ACOX1: variants seen among roughly 807,000 people sequenced by gnomAD.
The protein encoded by ACOX1 is peroxisomal acyl-coenzyme A oxidase 1.
A neutral mutation model predicts 75.5 loss-of-function variants in ACOX1; 41 were observed. The ratio of observed to expected loss-of-function variants is 0.54; its 90% confidence interval spans 0.42 to 0.70. The LOEUF is 0.70. Ranked by LOEUF, ACOX1 falls within the 30% of genes least tolerant of loss-of-function variation. ACOX1 has a pLI of 0.00. For missense variants in ACOX1, 630 were observed against 837.5 expected, an observed-to-expected ratio of 0.75 and a Z score of 3.06; for synonymous variants, 303 against 298.8, an observed-to-expected ratio of 1.01 and a Z score of -0.15.
intron 4 of ACOX1, 144 bp downstream of exon 4, chr17:75,957,315 A>C (rs1723379999): frequency 4.0e-6 from 3 of 747,622 alleles, no homozygotes; most frequent in Non-Finnish European, 7.1e-6. Flanking sequence ...TCCTGACCTC[A>C]AGTGATCTGC....
chr17:75,955,014 C>T (rs1029238784), intron 6 of ACOX1, among the ~76,000 whole-genome samples: 14 of 151,986 alleles, frequency 9.2e-5, no homozygotes, highest in Non-Finnish European at 5.9e-5. Context: ...ACTACAGGTG[C>T]GCACCACCAC....
rs1438931318 is a variant in ACOX1, at chr17:75,960,888, A to G, written c.270-513T>C. On this transcript the variant is annotated intron_variant, in intron 2 of 13. Transcript: ENST00000293217. The surrounding 1 kb of genome is among the most constrained non-coding windows in gnomAD (Gnocchi z 4.4). ...AGCTATTTGGGAGCCTGAGGCAGGA[A>G]AATCGCTTGAACCTAGGAGGCGGAG... Among the ~76,000 whole-genome samples the G allele has an allele frequency of 6.6e-6, 1 of 151,876 alleles. No homozygotes were observed. The highest frequency in any genetic ancestry group is 1.5e-5 in the Non-Finnish European group (1 of 67,960).
chr17:75,943,642 C>A lies in ACOX1; in HGVS notation c.*3106G>T, dbSNP rs1051762833. 1 of 152,180 alleles carries A rather than the reference C, an allele frequency of 6.6e-6. No homozygotes were observed. Among genetic ancestry groups the A allele is most frequent in the Non-Finnish European group, 1.5e-5 (1 of 68,036 alleles). The allele number at this position is 152,180 out of a possible 1,614,324, so 9.4% of individuals were successfully genotyped here. On this transcript the variant is annotated 3_prime_UTR_variant, in exon 14 of 14. Coordinates refer to ENST00000293217, the MANE Select transcript of ACOX1 (RefSeq NM_004035.7). The stretch of plus-strand genomic sequence containing the variant: ...TGACTTCTCAGAAAGCATATGAACA[C>A]GGTGAATGTTGTAATGTTCTGAAGA...
At position 75,946,575 on chromosome 17, in the gene ACOX1, C is replaced by A; in HGVS notation, c.*173G>T. The A allele has an allele frequency of 1.5e-6, 1 of 649,916 alleles. No homozygotes were observed. The highest frequency in any genetic ancestry group is 1.7e-5 in the South Asian group (1 of 59,458). The allele number at this position is 649,916 out of a possible 1,614,324, so 40.3% of individuals were successfully genotyped here. On this transcript the variant is annotated 3_prime_UTR_variant, in exon 14 of 14. Coordinates refer to ENST00000293217, the MANE Select transcript of ACOX1 (RefSeq NM_004035.7). Reference sequence around the variant, plus strand: ...CTTTCAGTGTTAATTGCACTTAAAACATCTGCTTTTTTTCATTTAATCTCT... The same window carrying A: ...CTTTCAGTGTTAATTGCACTTAAAAAATCTGCTTTTTTTCATTTAATCTCT...
At chr17:75,955,261 C>A (rs2065813411) in intron 6 of ACOX1, among the ~76,000 whole-genome samples, 1 of 152,050 alleles carries the variant, frequency 6.6e-6, no homozygotes, top group Non-Finnish European at 1.5e-5. Context: ...CTCCCAGGCT[C>A]AAGTGATCCT....
chr17:75,958,635 C>A (rs556585004), intron 3 of ACOX1, among the ~76,000 whole-genome samples: 1 of 151,788 alleles, frequency 6.6e-6, no homozygotes, highest in Non-Finnish European at 1.5e-5. Context: ...GGCGAAACCC[C>A]GTCTCTACTA....
rs61694946 is a variant in ACOX1, at chr17:75,978,731, C to T, written c.110-38G>A. On this transcript the variant is annotated intron_variant, in intron 1 of 13. Transcript: ENST00000293217. The surrounding 1 kb of genome is among the most constrained non-coding windows in gnomAD (Gnocchi z 4.2). ...TAAAGGGCATTAAAAGGCAGACAGA[C>T]ACTCGGGCCTCCGTTCCACCCTCCC... 6.2e-7 allele frequency: 1 copy of T among 1,612,692 alleles called. No homozygotes were observed. The highest frequency in any genetic ancestry group is 2.2e-5 in the East Asian group (1 of 44,876).
chr17:75,958,895 A>G (rs984137861), intron 3 of ACOX1, among the ~76,000 whole-genome samples: 2 of 152,118 alleles, frequency 1.3e-5, no homozygotes, highest in Non-Finnish European at 2.9e-5. Flanking sequence ...TAAAGGTCCA[A>G]TAATAAGGTC....
At chr17:75,957,688 A>C in intron 3 of ACOX1, 122 bp from the exon 4 acceptor site, 5 of 706,012 alleles carry the variant, frequency 7.1e-6, no homozygotes, top group Non-Finnish European at 1.3e-5. Context: ...TCTAACAAAA[A>C]ACACCTGTAG....
intron 2 of ACOX1, among the ~76,000 whole-genome samples, chr17:75,967,664 A>G (rs2065947371): frequency 2.0e-5 from 2 of 101,434 alleles, no homozygotes; most frequent in African/African-American, 1.3e-4. Context: ...ATACATACAT[A>G]TATATACATA....
chr17:75,966,371 C>T (rs1024551360), intron 2 of ACOX1, among the ~76,000 whole-genome samples: 4 of 149,740 alleles, frequency 2.7e-5, no homozygotes, highest in African/African-American at 7.4e-5. Context: ...GCAGGAGAAT[C>T]GCTTGAACCC....
chr17:75,960,266 C>G lies in ACOX1; in HGVS notation c.379G>C (p.Ala127Pro). ...GTGCCAATGATCTCCAAGTTCCAGGCGGGCATGAAGAAGCGCTCCTGCTGC... is the reference window on the plus strand; with the variant it reads ...GTGCCAATGATCTCCAAGTTCCAGGGGGGCATGAAGAAGCGCTCCTGCTGC... ...AEQQERFFMP[A>P]WNLEIIGTYA... is the part of the protein sequence containing the mutation. The change falls in exon 3 of 14, where the codon GCC becomes CCC. Residue 127 changes from alanine to proline, a missense_variant. Ala to Pro is a conservative substitution (Grantham distance 27, BLOSUM62 -1). Around this residue, in one of 2 missense-constraint regions of ACOX1, gnomAD observed 390 missense variants for 574.9 expected, o/e 0.68. Coordinates refer to ENST00000293217, the MANE Select transcript of ACOX1 (RefSeq NM_004035.7). This position sits in a 1 kb window ranked among gnomAD's most constrained non-coding sequence, Gnocchi z 4.4. 2 of 1,614,164 alleles carry G rather than the reference C, an allele frequency of 1.2e-6. No homozygotes were observed. Among genetic ancestry groups the G allele is most frequent in the Non-Finnish European group, 1.7e-6 (2 of 1,180,024 alleles).
chr17:75,978,749 A>C lies in ACOX1; in HGVS notation c.110-56T>G. 6.2e-7 allele frequency: 1 copy of C among 1,611,918 alleles called. No homozygotes were observed. Among genetic ancestry groups the C allele is most frequent in the Non-Finnish European group, 8.5e-7 (1 of 1,179,932 alleles). On this transcript the variant is annotated intron_variant, in intron 1 of 13. Coordinates refer to ENST00000293217, the MANE Select transcript of ACOX1 (RefSeq NM_004035.7). The surrounding 1 kb of genome is among the most constrained non-coding windows in gnomAD (Gnocchi z 4.2). ...AGACAGACACTCGGGCCTCCGTTCC[A>C]CCCTCCCTGAATCACAATAGGCTTC...
rs2144239649 is a variant in ACOX1, at chr17:75,950,458, A to C, written c.1298+316T>G. On this transcript the variant is annotated intron_variant, in intron 9 of 13. Coordinates refer to ENST00000293217, the MANE Select transcript of ACOX1 (RefSeq NM_004035.7). This position sits in a 1 kb window ranked among gnomAD's most constrained non-coding sequence, Gnocchi z 4.3. ...GTAGAGACACGGTTTCACCATGTTG[A>C]TCAAGCTGGTCTTGAACTCCTTACC... Among the ~76,000 whole-genome samples the C allele has an allele frequency of 6.6e-6, 1 of 151,950 alleles. No homozygotes were observed. Among genetic ancestry groups the C allele is most frequent in the Admixed American group, 6.6e-5 (1 of 15,234 alleles).
intron 2 of ACOX1, among the ~76,000 whole-genome samples, chr17:75,975,070 A>AAAAAAAAAG (rs1555619953): frequency 1.4e-5 from 2 of 145,128 alleles, no homozygotes; most frequent in African/African-American, 5.1e-5. Context: ...AAAAAAAAAA[A>AAAAAAAAAG]AAAGAAAGAA....
rs1164034191 is a variant in ACOX1, at chr17:75,950,006, C to T, written c.1299-109G>A. ...GCTGGATGGAGTGCAATGGCCAGATCTCAGCTCACTGCAACCTCCTCCTCT... is the reference window on the plus strand; with the variant it reads ...GCTGGATGGAGTGCAATGGCCAGATTTCAGCTCACTGCAACCTCCTCCTCT... On this transcript the variant is annotated intron_variant, in intron 9 of 13. Coordinates refer to ENST00000293217, the MANE Select transcript of ACOX1 (RefSeq NM_004035.7). This position sits in a 1 kb window ranked among gnomAD's most constrained non-coding sequence, Gnocchi z 4.3. 6 of 1,179,158 alleles carry T rather than the reference C, an allele frequency of 5.1e-6. No individual in the cohort carries two copies. The East Asian group carries it at 9.9e-5, about 20-fold the overall frequency. 73.0% of individuals were successfully genotyped at this position (1,179,158 alleles called of 1,614,324 possible). A position where few individuals can be genotyped will look rare whatever the true frequency, so the allele number is the denominator to read the frequency against.
chr17:75,951,270 A>G lies in ACOX1; in HGVS notation c.1107+145T>C, dbSNP rs1598176145. On this transcript the variant is annotated intron_variant, in intron 8 of 13. Transcript: ENST00000293217. ...AACAACAAACCCCACAGATCTTCAT[A>G]TCTGATCTACTTTCAACCAGAAGAA... is the stretch of plus-strand genomic sequence containing the variant. The G allele has an allele frequency of 8.2e-6, 8 of 971,246 alleles. No homozygotes were observed. The East Asian group carries it at 1.8e-4, about 22-fold the overall frequency. The allele number at this position is 971,246 out of a possible 1,614,324, so 60.2% of individuals were successfully genotyped here. A position where few individuals can be genotyped will look rare whatever the true frequency, so the allele number is the denominator to read the frequency against.
At position 75,972,594 on chromosome 17, in the gene ACOX1, G is replaced by A. The variant is rs572542688; in HGVS notation, c.269+5940C>T. Among the ~76,000 whole-genome samples the A allele has an allele frequency of 5.1e-4, 74 of 146,318 alleles. 1 individual carries two copies. The South Asian group carries it at 0.014, about 27-fold the overall frequency. On this transcript the variant is annotated intron_variant, in intron 2 of 13. Coordinates refer to ENST00000293217, the MANE Select transcript of ACOX1 (RefSeq NM_004035.7). Reference sequence around the variant, plus strand: ...CCAGAGGCGGAGGTTGCAGTGAGCTGAGATCATGCCATTGCACTCCAGCCT... The same window carrying A: ...CCAGAGGCGGAGGTTGCAGTGAGCTAAGATCATGCCATTGCACTCCAGCCT...
chr17:75,965,991 A>T (rs187557378), intron 2 of ACOX1, among the ~76,000 whole-genome samples: 43 of 151,816 alleles, frequency 2.8e-4, no homozygotes, highest in African/African-American at 9.7e-4. Flanking sequence ...TTAGATGGGC[A>T]TGGTAGCACA....
Sources: allele counts gnomAD v4.1 joint callset (sites outside exome capture counted in the v4.1 genomes callset), GRCh38; gene constraint gnomAD v4.1.1; regional missense constraint gnomAD v4.1.1; non-coding constraint Gnocchi (gnomAD v3.1); transcripts MANE v1.5; gene names NCBI Gene and HGNC (gene_info 2026-07-23, HGNC 2026-07-21).